The following CYP4A11 variants were observed in gnomAD, a reference collection of about 807,000 sequenced individuals.
The protein encoded by CYP4A11 is cytochrome P450 family 4 subfamily A member 11, also known as cytochrome P450 4A11.
A neutral mutation model predicts 57.7 loss-of-function variants in CYP4A11; 52 were observed. The ratio of observed to expected loss-of-function variants is 0.90; its 90% CI spans 0.72 to 1.14. CYP4A11 has a LOEUF of 1.14. CYP4A11 is among the 50% of genes most tolerant of loss of function. The probability of loss-of-function intolerance (pLI) is 0.00; values close to 1 mark genes in which losing one functional copy is unlikely to be tolerated. For synonymous variants in CYP4A11, 228 were observed against 247.1 expected (o/e 0.92, Z 0.72); for missense variants, 641 against 642.1 (o/e 1.00, Z 0.02).
intron 8 of CYP4A11, 25 bp downstream of exon 8, chr1:46,934,151 C>T (rs1400214752): frequency 8.7e-6 from 14 of 1,612,004 alleles, no homozygotes; most frequent in Non-Finnish European, 1.2e-5. Context: ...AGGCAGGGAA[C>T]CCCATCTTTT....
chr1:46,935,906 T>C (rs1215011497), intron 4 of CYP4A11, among the ~76,000 whole-genome samples: 1 of 152,258 alleles, frequency 6.6e-6, no homozygotes, highest in African/African-American at 2.4e-5. Flanking sequence ...GGATTAAGTA[T>C]TGAATTTTGA....
At chr1:46,933,779 C>T (rs755407114) in intron 9 of CYP4A11, 167 bp downstream of exon 9, 361 of 1,232,162 alleles carry the variant, frequency 2.9e-4, no homozygotes, top group Non-Finnish European at 3.9e-4. Context: ...TTCAAGCTCT[C>T]AGCCAGACTT....
At position 46,936,839 on chromosome 1, in the gene CYP4A11, G is replaced by GTGTT. The variant is rs1553144053; in HGVS notation, c.383-49_383-48insAACA. The GTGTT allele has an allele frequency of 8.9e-4, 1,358 of 1,522,742 alleles. 7 individuals carry two copies. In the African/African-American group the frequency reaches 0.017, roughly 19 times the overall value. 94.3% of individuals were successfully genotyped at this position (1,522,742 alleles called of 1,614,324 possible). A position where few individuals can be genotyped will look rare whatever the true frequency, so the allele number is the denominator to read the frequency against. ...TTTGTGTGTGTGTGTGTGTGTGTGTGTGTGTCAGGGGCTGCAAGGAGCTAG... is the reference window on the plus strand; with the variant it reads ...TTTGTGTGTGTGTGTGTGTGTGTGTGTGTTTGTGTCAGGGGCTGCAAGGAGCTAG... On this transcript the variant is annotated intron_variant, in intron 3 of 11. Transcript: ENST00000310638.
chr1:46,938,526 T>G (rs897480270), intron 1 of CYP4A11, among the ~76,000 whole-genome samples: 4 of 152,264 alleles, frequency 2.6e-5, no homozygotes, highest in African/African-American at 9.6e-5. Context: ...CACAATGCCT[T>G]TATATAATCA....
chr1:46,935,090 T>A lies in CYP4A11; in HGVS notation c.700A>T (p.Asn234Tyr). ...LNNLVFSRVRNAFHQNDTIYS... is the reference protein window; with the variant it reads ...LNNLVFSRVRYAFHQNDTIYS... ...ATGGTGTCATTCTGGTGAAAGGCAT[T>A]CCTCACACGGGAAAAAACCAGGTTG... Residue 234 changes from asparagine to tyrosine, a missense_variant, in exon 6 of 12, where the codon AAT (asparagine) becomes TAT (tyrosine). Asn to Tyr is a moderately radical substitution (Grantham distance 143). Coordinates refer to ENST00000310638, the MANE Select transcript of CYP4A11 (RefSeq NM_000778.4). The A allele has an allele frequency of 6.2e-7, 1 of 1,614,070 alleles. No homozygotes were observed. Among genetic ancestry groups the A allele is most frequent in the South Asian group, 1.1e-5 (1 of 91,078 alleles).
chr1:46,934,782 G>T (rs1681272664), intron 6 of CYP4A11, among the ~76,000 whole-genome samples: 2 of 152,168 alleles, frequency 1.3e-5, no homozygotes, highest in South Asian at 2.1e-4. Context: ...TTTGGACAGG[G>T]TCTCATTCAG....
intron 11 of CYP4A11, chr1:46,931,718 GA>G (rs1681040458): frequency 1.4e-5 from 9 of 659,784 alleles, no homozygotes; most frequent in Non-Finnish European, 1.7e-5. Flanking sequence ...GGAGTTTCAG[GA>G]GGAAGCTTTT....
chr1:46,937,695 T>A (rs569188455), intron 2 of CYP4A11, among the ~76,000 whole-genome samples: 1 of 152,238 alleles, frequency 6.6e-6, no homozygotes, highest in African/African-American at 2.4e-5. Flanking sequence ...GAAACCCAGG[T>A]CAATGTGGGT....
At chr1:46,941,160 G>C in intron 1 of CYP4A11, 79 bp downstream of exon 1, 1 of 1,543,204 alleles carries the variant, frequency 6.5e-7, no homozygotes, top group Non-Finnish European at 8.7e-7. Flanking sequence ...ACAAGGCTTT[G>C]CTCTATGGAT....
At chr1:46,937,165 T>G in intron 3 of CYP4A11, 137 bp downstream of exon 3, 1 of 1,091,408 alleles carries the variant, frequency 9.2e-7, no homozygotes, top group Non-Finnish European at 1.3e-6. Context: ...GAGGGTCTTG[T>G]TAGAAGAAGG....
At chr1:46,934,860 C>G in intron 6 of CYP4A11, 140 bp downstream of exon 6, 1 of 1,428,286 alleles carries the variant, frequency 7.0e-7, no homozygotes, top group South Asian at 1.4e-5. Context: ...CAGCTCCCAG[C>G]CCCTGAGCAA....
intron 3 of CYP4A11, among the ~76,000 whole-genome samples, 183 bp downstream of exon 3, chr1:46,937,119 G>C (rs1465701427): frequency 6.6e-6 from 1 of 152,164 alleles, no homozygotes; most frequent in Non-Finnish European, 1.5e-5. Context: ...AAGAAGCTGA[G>C]CCTCAGGAAG....
chr1:46,934,780 GGGTCTCA>G (rs1681272504), intron 6 of CYP4A11, among the ~76,000 whole-genome samples: 1 of 152,186 alleles, frequency 6.6e-6, no homozygotes, highest in Admixed American at 6.5e-5. Context: ...TGTTTGGACA[GGGTCTCA>G]TTCAGTTATC....
intron 11 of CYP4A11, among the ~76,000 whole-genome samples, chr1:46,930,960 G>A (rs1680988792): frequency 6.6e-6 from 1 of 152,070 alleles, no homozygotes; most frequent in Non-Finnish European, 1.5e-5. Context: ...ATCCTTCCTT[G>A]CCCTTCCTCA....
chr1:46,935,767 T>G, intron 4 of CYP4A11, 120 bp from the exon 5 acceptor site: 1 of 1,523,988 alleles, frequency 6.6e-7, no homozygotes, highest in East Asian at 2.3e-5. Context: ...GATATCTTGG[T>G]TGGGATTCCT....
At position 46,934,340 on chromosome 1, in the gene CYP4A11, G is replaced by C. The variant is rs373052526; in HGVS notation, c.924C>G (p.Asp308Glu). 18 of 1,594,734 alleles carry C rather than the reference G, an allele frequency of 1.1e-5. No individual in the cohort carries two copies. In the African/African-American group the frequency reaches 2.1e-4, roughly 18 times the overall value. The change falls in exon 8 of 12, where the codon GAC becomes GAG. Residue 308 changes from aspartate (D) to glutamate (E), a missense_variant. Asp to Glu is a conservative substitution (Grantham distance 45, BLOSUM62 2). Transcript: ENST00000310638. The part of the protein sequence containing the change: ...AKMENGSILS[D>E]KDLRAEVDTF... ...TGTCCACCTCAGCACGGAGGTCCTT[G>C]TCTGACAAGATGCTCCCATTCTCCA...
rs556895009 is a variant in CYP4A11 at position 46,936,572 on chromosome 1, A to G, written c.510+92T>C. 12 of 1,483,536 alleles carry G rather than the reference A, an allele frequency of 8.1e-6. No homozygotes were observed. The East Asian group carries it at 1.7e-4, about 21-fold the overall frequency. The allele number at this position is 1,483,536 out of a possible 1,614,324, so 91.9% of individuals were successfully genotyped here. On this transcript the variant is annotated intron_variant, in intron 4 of 11. Transcript: ENST00000310638. ...AGTGTTGTTCCATGTGTCTATGTCT[A>G]TGTCTGCCTGTGGGACACAGGGTTG...
chr1:46,932,730 T>A, intron 11 of CYP4A11, 31 bp downstream of exon 11: 1 of 1,614,152 alleles, frequency 6.2e-7, no homozygotes, highest in Non-Finnish European at 8.5e-7. Context: ...CCCTCATTCC[T>A]CTATTCGAAT....
intron 1 of CYP4A11, among the ~76,000 whole-genome samples, chr1:46,940,285 A>G (rs1191863975): frequency 6.6e-6 from 1 of 152,224 alleles, no homozygotes; most frequent in African/African-American, 2.4e-5. Context: ...TGAACTCAAA[A>G]AAATTGCAAA....
Sources: gnomAD v4.1 joint callset for allele counts (sites outside exome capture counted in the v4.1 genomes callset) on GRCh38, gnomAD v4.1.1 for gene constraint, MANE v1.5 for transcripts, NCBI Gene and HGNC (gene_info 2026-07-23, HGNC 2026-07-21) for gene names.